PKP4: variants seen among roughly 807,000 people sequenced by gnomAD.
PKP4 encodes plakophilin 4.
PKP4 carries 90 observed loss-of-function variants against 145.1 expected under a neutral mutation model. That is an observed-to-expected ratio of 0.62 (90% confidence interval 0.52 to 0.74). The LOEUF is 0.74. Among genes scored for constraint, PKP4 ranks in the 30% least tolerant of loss-of-function variants. The pLI is 0.00. For missense variants in PKP4, 1,340 were observed against 1,482.7 expected (o/e 0.90, Z 1.58); for synonymous variants, 563 against 577.2 (o/e 0.98, Z 0.35).
At chr2:158,637,606 G>C (rs1225153918) in intron 9 of PKP4, among the ~76,000 whole-genome samples, 4 of 152,172 alleles carry the variant, frequency 2.6e-5, no homozygotes, top group Non-Finnish European at 4.4e-5. Flanking sequence ...TCCAGAAAGT[G>C]CCCTCAGGCA....
rs1295214790 is a variant in PKP4 at position 158,640,678 on chromosome 2, G to A, written c.1614G>A (p.Gln538=). The A allele has an allele frequency of 6.2e-7, 1 of 1,613,990 alleles. No homozygotes were observed. Among genetic ancestry groups the A allele is most frequent in the Non-Finnish European group, 8.5e-7 (1 of 1,179,950 alleles). Residue 538 remains glutamine (Q), a synonymous_variant, in exon 10 of 22, where the codon CAG becomes CAA. Transcript: ENST00000389759. ...TGCCTGAGGTCATTCACATGCTTCA[G>A]CACCAGTTCCCATCTGTTCAGGCAA... ...PELPEVIHML[Q]HQFPSVQANA...
chr2:158,494,481 C>A (rs1410558326), intron 1 of PKP4, among the ~76,000 whole-genome samples: 1 of 152,046 alleles, frequency 6.6e-6, no homozygotes, highest in South Asian at 2.1e-4. Context: ...ATGATTAATA[C>A]CATTAAGGAT....
chr2:158,494,815 C>A (rs890743726), intron 1 of PKP4, among the ~76,000 whole-genome samples: 1 of 151,886 alleles, frequency 6.6e-6, no homozygotes, highest in Non-Finnish European at 1.5e-5. Flanking sequence ...AAGTGAGAAT[C>A]GTGCCTACCT....
chr2:158,642,549 C>T lies in PKP4; in HGVS notation c.1759C>T (p.Gln587Ter). ...TCTGGACCACAGAGTTTTGGAAGTT[C>T]AGAAGAATGCTTGTGGTGCCCTTCG... is the stretch of plus-strand genomic sequence containing the variant. ...DLLDHRVLEVQKNACGALRNL... is the reference protein window; with the variant it reads ...DLLDHRVLEV The change falls in exon 11 of 22, where the codon CAG (glutamine) becomes TAG (stop). Residue 587 changes from glutamine to a stop codon, truncating the protein, a stop_gained. Coordinates refer to ENST00000389759, the MANE Select transcript of PKP4 (RefSeq NM_003628.6). LOFTEE classifies it high-confidence loss of function. The T allele has an allele frequency of 6.2e-7, 1 of 1,613,690 alleles. No homozygotes were observed. Among genetic ancestry groups the T allele is most frequent in the African/African-American group, 1.3e-5 (1 of 75,018 alleles).
rs779559363 is a variant in PKP4 at position 158,680,627 on chromosome 2, CCTT to C, written c.3533_3535del (p.Ser1178del). The C allele has an allele frequency of 5.6e-6, 9 of 1,613,934 alleles. No homozygotes were observed. Among genetic ancestry groups the C allele is most frequent in the South Asian group, 2.2e-5 (2 of 91,082 alleles). On this transcript the variant is annotated inframe_deletion, in exon 22 of 22. Coordinates refer to ENST00000389759, the MANE Select transcript of PKP4 (RefSeq NM_003628.6). ...TGTAGACTTTTATTCCACTAAACGA[CCTT>C]CTTATAGAGCAGAACAGTACCCAGG...
intron 3 of PKP4, among the ~76,000 whole-genome samples, chr2:158,594,965 T>C (rs569000169): frequency 2.3e-4 from 35 of 152,294 alleles, no homozygotes. Context: ...TTGACCTTCC[T>C]GTCTTCACCT....
chr2:158,678,376 C>A (rs1262694350), intron 20 of PKP4, among the ~76,000 whole-genome samples: 1 of 152,076 alleles, frequency 6.6e-6, no homozygotes, highest in Non-Finnish European at 1.5e-5. Context: ...CATAGTTTTG[C>A]CATTAGCCCC....
chr2:158,618,765 T>A (rs900842556), intron 4 of PKP4, among the ~76,000 whole-genome samples: 2 of 152,126 alleles, frequency 1.3e-5, no homozygotes, highest in African/African-American at 2.4e-5. Context: ...TAGCTTTTTT[T>A]AAAAAGTGGG....
intron 1 of PKP4, among the ~76,000 whole-genome samples, chr2:158,487,603 A>G (rs1694353432): frequency 6.6e-6 from 1 of 152,238 alleles, no homozygotes; most frequent in Non-Finnish European, 1.5e-5. Flanking sequence ...TAATTATTCA[A>G]GTTAAATTTA....
chr2:158,468,536 C>T (rs1177876960), intron 1 of PKP4, among the ~76,000 whole-genome samples: 1 of 151,992 alleles, frequency 6.6e-6, no homozygotes, highest in Non-Finnish European at 1.5e-5. Flanking sequence ...AATGTTGGCT[C>T]TTTCAGAATT....
At chr2:158,624,607 A>G (rs1373286224) in intron 6 of PKP4, among the ~76,000 whole-genome samples, 1 of 152,104 alleles carries the variant, frequency 6.6e-6, no homozygotes, top group African/African-American at 2.4e-5. Context: ...TGTAAAGATA[A>G]AAAAGGAGTA....
chr2:158,593,046 A>C (rs902984862), intron 3 of PKP4, among the ~76,000 whole-genome samples: 1 of 152,170 alleles, frequency 6.6e-6, no homozygotes, highest in African/African-American at 2.4e-5. Flanking sequence ...GCTTTTATGC[A>C]GTTCTAGCAG....
chr2:158,656,997 C>T (rs1016373812), intron 11 of PKP4, among the ~76,000 whole-genome samples: 4 of 152,136 alleles, frequency 2.6e-5, no homozygotes, highest in Non-Finnish European at 5.9e-5. Context: ...AAGCCTGACA[C>T]GCTCCCATGG....
At position 158,621,359 on chromosome 2, in the gene PKP4, A is replaced by T. The variant is rs771107905; in HGVS notation, c.541A>T (p.Ile181Leu). 3 of 1,614,212 alleles carry T rather than the reference A, an allele frequency of 1.9e-6. No individual in the cohort carries two copies. In the South Asian group the frequency reaches 3.3e-5, roughly 18 times the overall value. ...AGACAACAGACAGCAGCATTCATTC[A>T]TAGGATCAACTAACAACCATGTGGT... ...KADNRQQHSFIGSTNNHVVRN... is the reference protein window; with the variant it reads ...KADNRQQHSFLGSTNNHVVRN... Residue 181 changes from isoleucine (I) to leucine (L), a missense_variant, in exon 6 of 22, where the codon ATA becomes TTA. Coordinates refer to ENST00000389759, the MANE Select transcript of PKP4 (RefSeq NM_003628.6).
At chr2:158,574,251 T>A (rs2047654314) in intron 2 of PKP4, among the ~76,000 whole-genome samples, 1 of 152,180 alleles carries the variant, frequency 6.6e-6, no homozygotes, top group South Asian at 2.1e-4. Context: ...ATACACTAAA[T>A]CACTGACAAG....
At chr2:158,474,332 C>T (rs995589260) in intron 1 of PKP4, among the ~76,000 whole-genome samples, 3 of 152,148 alleles carry the variant, frequency 2.0e-5, no homozygotes, top group South Asian at 2.1e-4. Flanking sequence ...TTGCTGTTAA[C>T]GATATCACTT....
At chr2:158,606,892 A>T (rs910743167) in intron 4 of PKP4, among the ~76,000 whole-genome samples, 1 of 152,196 alleles carries the variant, frequency 6.6e-6, no homozygotes, top group African/African-American at 2.4e-5. Flanking sequence ...ATTCAGTTAC[A>T]GTTGGGAGAT....
Position 158,635,321 on chromosome 2 carries a change from T to G in PKP4, c.1562+1032T>G, listed in dbSNP as rs528429915. 4.6e-5 allele frequency among the ~76,000 whole-genome samples: 7 copies of G among 152,302 alleles called. No individual in the cohort carries two copies. The South Asian group carries it at 1.5e-3, about 32-fold the overall frequency. On this transcript the variant is annotated intron_variant, in intron 9 of 21. Coordinates refer to ENST00000389759, the MANE Select transcript of PKP4 (RefSeq NM_003628.6). ...CCTGAAATTCTTTAAGCTATATAAA[T>G]GCATTTGGTTCTGCTACTCCTGGTT...
intron 10 of PKP4, among the ~76,000 whole-genome samples, chr2:158,642,285 A>G (rs2054362419): frequency 2.0e-5 from 3 of 152,180 alleles, no homozygotes; most frequent in Admixed American, 2.0e-4. Context: ...TGGCCTCCCA[A>G]TGTGCTGAGA....
Sources: allele counts gnomAD v4.1 joint callset (sites outside exome capture counted in the v4.1 genomes callset), GRCh38; gene constraint gnomAD v4.1.1; transcripts MANE v1.5; gene names NCBI Gene and HGNC (gene_info 2026-07-23, HGNC 2026-07-21).